CRBN: variants seen among roughly 807,000 people sequenced by gnomAD.
CRBN encodes cereblon, also known as protein cereblon.
Under a neutral mutation model 62.2 loss-of-function variants are expected in CRBN, and 53 were observed. The ratio of observed to expected loss-of-function variants is 0.85; its 90% CI spans 0.68 to 1.07. The LOEUF (loss-of-function observed/expected upper bound fraction) is 1.07. CRBN is among the 50% of genes least tolerant of loss of function. The probability of loss-of-function intolerance (pLI) is 0.00; values close to 1 mark genes in which losing one functional copy is unlikely to be tolerated. For missense variants in CRBN, 616 were observed against 531.1 expected, an observed-to-expected ratio of 1.16 and a Z score of -1.57; for synonymous variants, 208 against 176.1, an observed-to-expected ratio of 1.18 and a Z score of -1.43.
chr3:3,174,433 GA>G (rs1238727321), intron 2 of CRBN, among the ~76,000 whole-genome samples, 172 bp from the exon 3 acceptor site: 3 of 152,094 alleles, frequency 2.0e-5, no homozygotes, highest in Admixed American at 6.5e-5. Context: ...CTGAGGTCAG[GA>G]GTTCAAGACC....
At chr3:3,174,303 G>A (rs772310049) in intron 2 of CRBN, 42 bp from the exon 3 acceptor site, 1 of 1,462,098 alleles carries the variant, frequency 6.8e-7, no homozygotes, top group East Asian at 2.3e-5. Flanking sequence ...TGATCGATAT[G>A]TAATAAAAAT....
intron 1 of CRBN, among the ~76,000 whole-genome samples, chr3:3,178,110 G>A (rs1447861306): frequency 6.6e-6 from 1 of 151,756 alleles, no homozygotes; most frequent in African/African-American, 2.4e-5. Context: ...TGTGAATGTC[G>A]ACAGAAGATC....
chr3:3,154,161 TAAAC>T, intron 7 of CRBN, 86 bp from the exon 8 acceptor site: 1 of 794,482 alleles, frequency 1.3e-6, no homozygotes, highest in Non-Finnish European at 2.2e-6. Context: ...CCTTTTGAAA[TAAAC>T]CCTTCTCTTT....
chr3:3,173,411 T>C (rs1707707586), intron 3 of CRBN, among the ~76,000 whole-genome samples: 2 of 152,196 alleles, frequency 1.3e-5, no homozygotes, highest in African/African-American at 2.4e-5. Flanking sequence ...ACTCAGGAAG[T>C]ACAATTAGAG....
intron 1 of CRBN, 35 bp from the exon 2 acceptor site, chr3:3,175,304 GATGA>G: frequency 7.4e-7 from 1 of 1,343,312 alleles, no homozygotes; most frequent in Non-Finnish European, 1.1e-6. Flanking sequence ...AAAAAAAAAA[GATGA>G]ATGAAAACCT....
intron 5 of CRBN, among the ~76,000 whole-genome samples, chr3:3,165,578 A>AT (rs1463346013): frequency 6.6e-6 from 1 of 152,160 alleles, no homozygotes; most frequent in African/African-American, 2.4e-5. Flanking sequence ...GCAATAAAGT[A>AT]TTTTTTTATT....
intron 6 of CRBN, 85 bp from the exon 7 acceptor site, chr3:3,154,916 C>T (rs2126054962): frequency 1.3e-6 from 1 of 799,004 alleles, no homozygotes. Flanking sequence ...AAAACTAACA[C>T]TGGTAGCAAT....
chr3:3,159,270 A>G (rs1376861317), intron 5 of CRBN, among the ~76,000 whole-genome samples: 1 of 152,178 alleles, frequency 6.6e-6, no homozygotes, highest in East Asian at 1.9e-4. Context: ...ACAAAATTCA[A>G]TACCCTGTCG....
At chr3:3,161,251 C>G (rs998829757) in intron 5 of CRBN, among the ~76,000 whole-genome samples, 1 of 152,210 alleles carries the variant, frequency 6.6e-6, no homozygotes, top group African/African-American at 2.4e-5. Flanking sequence ...AAGAAATCAA[C>G]AAGCCGTAGA....
At chr3:3,156,965 G>C (rs1206870054) in intron 5 of CRBN, among the ~76,000 whole-genome samples, 1 of 152,110 alleles carries the variant, frequency 6.6e-6, no homozygotes, top group East Asian at 1.9e-4. Context: ...GTGAATTGTA[G>C]AAATTGTAGA....
intron 1 of CRBN, among the ~76,000 whole-genome samples, chr3:3,178,291 T>C (rs1243255507): frequency 1.3e-5 from 2 of 152,362 alleles, no homozygotes; most frequent in East Asian, 3.9e-4. Flanking sequence ...CTATGGTTTA[T>C]TTTTACAGAA....
At chr3:3,168,622 G>T (rs763577304) in intron 4 of CRBN, among the ~76,000 whole-genome samples, 1 of 152,090 alleles carries the variant, frequency 6.6e-6, no homozygotes, top group Non-Finnish European at 1.5e-5. Flanking sequence ...TATATTAAAA[G>T]TCTCTGCTTT....
intron 6 of CRBN, chr3:3,155,810 C>CT (rs58011951): frequency 0.33 from 52,261 of 159,270 alleles, 9,259 homozygotes; most frequent in East Asian, 0.76. Flanking sequence ...CTTGTGATAC[C>CT]TTTTTTTTTC....
At chr3:3,176,959 C>T (rs1179396729) in intron 1 of CRBN, among the ~76,000 whole-genome samples, 3 of 152,170 alleles carry the variant, frequency 2.0e-5, no homozygotes, top group Non-Finnish European at 4.4e-5. Flanking sequence ...GAGTAAATTT[C>T]CTATCCTAGA....
In CRBN at chr3:3,175,718, T is replaced by A. The variant is rs1707803594; in HGVS notation, c.68-449A>T. Among the ~76,000 whole-genome samples the A allele has an allele frequency of 2.0e-5, 3 of 152,140 alleles. No individual in the cohort carries two copies. The South Asian group carries it at 6.2e-4, about 32-fold the overall frequency. On this transcript the variant is annotated intron_variant, in intron 1 of 10. Transcript: ENST00000231948. ...TAGTTATCAGGTCCCCCTACCCTCC[T>A]CTGGGCTAGGGGGGTTTTCAGACTT...
rs367786279 is a variant in CRBN, at chr3:3,156,232, G to A, written c.737C>T (p.Ser246Phe). 9 of 1,613,328 alleles carry A rather than the reference G, an allele frequency of 5.6e-6. No individual in the cohort carries two copies. Among genetic ancestry groups the A allele is most frequent in the Non-Finnish European group, 7.6e-6 (9 of 1,179,588 alleles). ...NLTSWPRWLYSLYDAETLMDR... is the reference protein window; with the variant it reads ...NLTSWPRWLYFLYDAETLMDR... Reference sequence around the variant, plus strand: ...TAAGTTACTTACAGCATCATATAAGGAATACAGCCAGCGAGGCCATGAAGT... The same window carrying A: ...TAAGTTACTTACAGCATCATATAAGAAATACAGCCAGCGAGGCCATGAAGT... The change falls in exon 6 of 11, where the codon TCC (serine) becomes TTC (phenylalanine). Residue 246 changes from serine (S) to phenylalanine (F), a missense_variant. Coordinates refer to ENST00000231948, the MANE Select transcript of CRBN (RefSeq NM_016302.4).
intron 5 of CRBN, among the ~76,000 whole-genome samples, chr3:3,165,796 T>C (rs1259822484): frequency 6.6e-6 from 1 of 152,124 alleles, no homozygotes; most frequent in Non-Finnish European, 1.5e-5. Context: ...AAATCTCTAG[T>C]ATGAAATACA....
intron 5 of CRBN, among the ~76,000 whole-genome samples, chr3:3,161,786 A>G (rs1321781668): frequency 2.0e-5 from 3 of 152,218 alleles, no homozygotes; most frequent in African/African-American, 7.2e-5. Context: ...ACCTATATAA[A>G]AGGTCATTTG....
chr3:3,153,814 A>AGTTT (rs906421148), intron 8 of CRBN, 146 bp downstream of exon 8: 39 of 671,572 alleles, frequency 5.8e-5, no homozygotes, highest in Non-Finnish European at 1.0e-4. Context: ...CAAAACAATG[A>AGTTT]GTTTGTTTGT....
Sources: allele counts gnomAD v4.1 joint callset (sites outside exome capture counted in the v4.1 genomes callset), GRCh38; gene constraint gnomAD v4.1.1; transcripts MANE v1.5; gene names NCBI Gene and HGNC (gene_info 2026-07-23, HGNC 2026-07-21).